VSX2: variants seen among roughly 807,000 people sequenced by gnomAD.
VSX2 encodes the protein visual system homeobox 2.
Under a neutral mutation model 32.1 loss-of-function variants are expected in VSX2, and 28 were observed. The ratio of observed to expected loss-of-function variants is 0.87; its 90% CI spans 0.65 to 1.20. VSX2 has a LOEUF of 1.20. Among genes scored for constraint, VSX2 ranks in the 50% most tolerant of loss-of-function variants. VSX2 has a pLI of 0.00. For synonymous variants in VSX2, 243 were observed against 214.1 expected (o/e 1.14, Z -1.18); for missense variants, 506 against 488.7 (o/e 1.04, Z -0.33).
intron 3 of VSX2, among the ~76,000 whole-genome samples, chr14:74,257,713 C>CA (rs1362019139): frequency 2.0e-5 from 3 of 149,778 alleles, no homozygotes; most frequent in Admixed American, 6.6e-5. Context: ...CGGACCACCC[C>CA]CCACCCACTT....
chr14:74,259,050 C>T lies in VSX2; in HGVS notation c.580-552C>T, dbSNP rs566556798. ...ACCCAGGCCTCCGAGGGGAGTCTCC[C>T]TCCCTGAGTTCCCAGCCTTCCTGAT... On this transcript the variant is annotated intron_variant, in intron 3 of 4. Transcript: ENST00000261980. 1.2e-4 allele frequency among the ~76,000 whole-genome samples: 18 copies of T among 152,268 alleles called. No individual in the cohort carries two copies. In the South Asian group the frequency reaches 3.7e-3, roughly 32 times the overall value.
intron 2 of VSX2, among the ~76,000 whole-genome samples, chr14:74,243,261 G>C (rs1295181307): frequency 1.3e-5 from 2 of 152,160 alleles, no homozygotes; most frequent in African/African-American, 2.4e-5. Context: ...GCCACGGTGA[G>C]AGTCTCTCTG....
intron 2 of VSX2, 75 bp downstream of exon 2, chr14:74,241,341 T>G: frequency 6.7e-7 from 1 of 1,492,238 alleles, no homozygotes; most frequent in South Asian, 1.1e-5. Flanking sequence ...ATCGGGTCTC[T>G]CGGACCCTAT....
At chr14:74,255,975 GTGC>G in intron 3 of VSX2, among the ~76,000 whole-genome samples, 1 of 152,294 alleles carries the variant, frequency 6.6e-6, no homozygotes, top group South Asian at 2.1e-4. Context: ...TGATCATGAG[GTGC>G]TGCTGCTGCA....
rs771709336 is a variant in VSX2 at position 74,260,762 on chromosome 14, G to C, written c.929G>C (p.Arg310Pro). ...AGGGAGAACAGCATTGCGGTGCTCC[G>C]GGCCAAAGCTCAGGAGCACAGCACC... is the stretch of plus-strand genomic sequence containing the variant. ...ELRENSIAVLRAKAQEHSTKV... is the reference protein window; with the variant it reads ...ELRENSIAVLPAKAQEHSTKV... Residue 310 changes from arginine (R) to proline (P), a missense_variant, in exon 5 of 5, where the codon CGG becomes CCG. Arg to Pro is a moderately radical substitution (Grantham distance 103, BLOSUM62 -2). Transcript: ENST00000261980. 2.5e-6 allele frequency: 4 copies of C among 1,587,010 alleles called. No homozygotes were observed. In the African/African-American group the frequency reaches 5.4e-5, roughly 21 times the overall value.
intron 3 of VSX2, among the ~76,000 whole-genome samples, chr14:74,246,103 GA>G (rs1437369390): frequency 6.6e-6 from 1 of 152,250 alleles, no homozygotes; most frequent in Non-Finnish European, 1.5e-5. Flanking sequence ...GGGCCTCCAT[GA>G]GGCAGAAGGA....
intron 3 of VSX2, among the ~76,000 whole-genome samples, chr14:74,249,278 C>CT (rs900124169): frequency 1.3e-5 from 2 of 151,166 alleles, no homozygotes; most frequent in South Asian, 2.1e-4. Context: ...TCTTTTTCTT[C>CT]TTTTTTTTTA....
intron 2 of VSX2, among the ~76,000 whole-genome samples, chr14:74,241,925 G>A (rs965248936): frequency 2.0e-5 from 3 of 152,178 alleles, no homozygotes; most frequent in African/African-American, 7.2e-5. Context: ...CTGCATCGGG[G>A]TACAGACTAG....
At position 74,239,947 on chromosome 14, in the gene VSX2, T is replaced by C; in HGVS notation, c.370+16T>C. On this transcript the variant is annotated intron_variant, in intron 1 of 4. Coordinates refer to ENST00000261980, the MANE Select transcript of VSX2 (RefSeq NM_182894.3). ...GCCAGCTCGGGTAGGTGAGGAGAGG[T>C]TGCGCTGCTGCCTGACTGGGGGGCG... 6.4e-7 allele frequency: 1 copy of C among 1,553,582 alleles called. No homozygotes were observed. Among genetic ancestry groups the C allele is most frequent in the Non-Finnish European group, 8.7e-7 (1 of 1,149,558 alleles).
chr14:74,255,924 T>C (rs188234501), intron 3 of VSX2, among the ~76,000 whole-genome samples: 3 of 152,354 alleles, frequency 2.0e-5, no homozygotes, highest in Admixed American at 6.5e-5. Flanking sequence ...AGTGTGAACA[T>C]GTACATAAAT....
In VSX2 at chr14:74,261,695, T is replaced by C. The variant is rs1485753425; in HGVS notation, c.*776T>C. Reference sequence around the variant, plus strand: ...ATGTGGTGATGTACGCTGCGTGCCATGAGTCCATGTCCTATGCCTCACAAA... The same window carrying C: ...ATGTGGTGATGTACGCTGCGTGCCACGAGTCCATGTCCTATGCCTCACAAA... On this transcript the variant is annotated 3_prime_UTR_variant, in exon 5 of 5. Coordinates refer to ENST00000261980, the MANE Select transcript of VSX2 (RefSeq NM_182894.3). The C allele has an allele frequency of 6.6e-6, 1 of 152,580 alleles. No homozygotes were observed. Among genetic ancestry groups the C allele is most frequent in the African/African-American group, 2.4e-5 (1 of 41,458 alleles). The allele number at this position is 152,580 out of a possible 1,614,324, so 9.5% of individuals were successfully genotyped here.
At position 74,239,603 on chromosome 14, in the gene VSX2, C is replaced by A. The variant is rs1228326703; in HGVS notation, c.42C>A (p.Ser14=). The A allele has an allele frequency of 6.4e-7, 1 of 1,551,360 alleles. No individual in the cohort carries two copies. The highest frequency in any genetic ancestry group is 8.7e-7 in the Non-Finnish European group (1 of 1,146,992). The change falls in exon 1 of 5, where the codon TCC becomes TCA. Residue 14 remains serine, a synonymous_variant. Transcript: ENST00000261980. ...GGGAAGCGCTGAGCAAGCCCAAATCCGAGACAGTGGCCAAGAGTACCTCGG... is the reference window on the plus strand; with the variant it reads ...GGGAAGCGCTGAGCAAGCCCAAATCAGAGACAGTGGCCAAGAGTACCTCGG... ...KAGEALSKPK[S]ETVAKSTSGG... is the part of the protein sequence containing the mutation.
At chr14:74,246,980 G>A (rs1179820873) in intron 3 of VSX2, among the ~76,000 whole-genome samples, 1 of 152,214 alleles carries the variant, frequency 6.6e-6, no homozygotes, top group East Asian at 1.9e-4. Flanking sequence ...TTGCCTATAA[G>A]GTGGTATCTG....
intron 2 of VSX2, among the ~76,000 whole-genome samples, chr14:74,243,693 T>C (rs1179590383): frequency 6.6e-6 from 1 of 151,958 alleles, no homozygotes; most frequent in Non-Finnish European, 1.5e-5. Context: ...CATAAGCATT[T>C]CACATCATCA....
rs12588074 is a variant in VSX2, at chr14:74,261,498, C to T, written c.*579C>T. 28,221 of 153,302 alleles carry T rather than the reference C, an allele frequency of 0.18. 2,963 individuals are homozygous for T. Among genetic ancestry groups the T allele is most frequent in the South Asian group, 0.32 (1,533 of 4,862 alleles). The allele number at this position is 153,302 out of a possible 1,614,324, so 9.5% of individuals were successfully genotyped here. ...CTGTGCAGGCCCAGGCAGGCCCAGC[C>T]TCTGCCCCACCCATCAGTGGAGTCC... On this transcript the variant is annotated 3_prime_UTR_variant, in exon 5 of 5. Transcript: ENST00000261980.
intron 3 of VSX2, among the ~76,000 whole-genome samples, chr14:74,247,846 T>G (rs2079202354): frequency 1.3e-5 from 2 of 152,032 alleles, no homozygotes; most frequent in Admixed American, 6.6e-5. Flanking sequence ...ACAAAATTAT[T>G]TTTGAATGGG....
intron 3 of VSX2, among the ~76,000 whole-genome samples, chr14:74,246,777 G>A (rs574520940): frequency 1.1e-4 from 17 of 152,250 alleles, no homozygotes; most frequent in Non-Finnish European, 1.8e-4. Flanking sequence ...CAGAATGAAG[G>A]AATAGCTTGT....
In VSX2 at chr14:74,241,231, A is replaced by G; in HGVS notation, c.420A>G (p.Leu140=). 1 of 1,613,434 alleles carries G rather than the reference A, an allele frequency of 6.2e-7. No homozygotes were observed. The highest frequency in any genetic ancestry group is 1.1e-5 in the South Asian group (1 of 91,088). Residue 140 remains leucine (L), a synonymous_variant, in exon 2 of 5, where the codon TTA becomes TTG. Transcript: ENST00000261980. ...ATCGAAAAATGTCCAAATCTGCTTTAAACCAGACCAAGAAACGGAAGAAGC... is the reference window on the plus strand; with the variant it reads ...ATCGAAAAATGTCCAAATCTGCTTTGAACCAGACCAAGAAACGGAAGAAGC... ...SSDRKMSKSA[L]NQTKKRKKRR...
chr14:74,243,332 G>C (rs2079163469), intron 2 of VSX2, among the ~76,000 whole-genome samples: 1 of 152,204 alleles, frequency 6.6e-6, no homozygotes, highest in East Asian at 1.9e-4. Context: ...CACAACAGGA[G>C]CCTGAAGGGT....
Sources: gnomAD v4.1 joint callset for allele counts (sites outside exome capture counted in the v4.1 genomes callset) on GRCh38, gnomAD v4.1.1 for gene constraint, MANE v1.5 for transcripts, NCBI Gene and HGNC (gene_info 2026-07-23, HGNC 2026-07-21) for gene names.